Variants in AKR1C3 observed in about 807,000 individuals in gnomAD.
The protein encoded by AKR1C3 is 3-alpha hydroxysteroid dehydrogenase, type II.
A neutral mutation model predicts 43.6 loss-of-function variants in AKR1C3; 48 were observed. The observed-to-expected ratio is 1.10, with a 90% confidence interval of 0.87 to 1.40. The LOEUF (loss-of-function observed/expected upper bound fraction) is 1.40, where lower values mean the gene tolerates loss of function less well. Among genes scored for constraint, AKR1C3 ranks in the 40% most tolerant of loss-of-function variants. AKR1C3 has a pLI of 0.00. For synonymous variants in AKR1C3, 162 were observed against 139.6 expected, an observed-to-expected ratio of 1.16 and a Z score of -1.13; for missense variants, 482 against 391.2, an observed-to-expected ratio of 1.23 and a Z score of -1.96.
At position 5,107,347 on chromosome 10, in the gene AKR1C3, A is replaced by G. The variant is rs17134355; in HGVS notation, c.930-114A>G. The G allele has an allele frequency of 5.3e-3, 3,958 of 742,052 alleles. 119 individuals are homozygous for G. The African/African-American group carries it at 0.062, about 12-fold the overall frequency. The allele number at this position is 742,052 out of a possible 1,614,324, so 46.0% of individuals were successfully genotyped here. On this transcript the variant is annotated intron_variant, in intron 8 of 8. Transcript: ENST00000380554. ...CATAAAGGTAAGAAAGGCAGATTCT[A>G]CAACTAGTCAGACAACTTAACATTC...
intron 7 of AKR1C3, among the ~76,000 whole-genome samples, 156 bp downstream of exon 7, chr10:5,102,806 C>G (rs1235817894): frequency 1.3e-5 from 2 of 152,184 alleles, no homozygotes; most frequent in African/African-American, 2.4e-5. Flanking sequence ...TTCTACTCTA[C>G]CACGGGAGAG....
At chr10:5,069,926 C>T (rs1224423916) in intron 1 of AKR1C3, among the ~76,000 whole-genome samples, 2 of 151,992 alleles carry the variant, frequency 1.3e-5, no homozygotes, top group African/African-American at 2.4e-5. Flanking sequence ...GCAAATAGTC[C>T]CATTCATTCC....
At chr10:5,097,356 T>A (rs1839230214) in intron 2 of AKR1C3, 78 bp from the exon 3 acceptor site, 1 of 1,531,152 alleles carries the variant, frequency 6.5e-7, no homozygotes, top group East Asian at 2.3e-5. Flanking sequence ...GGAAAATATC[T>A]AAATACTAGA....
chr10:5,098,227 T>G (rs1257820973), intron 3 of AKR1C3: 2 of 968,192 alleles, frequency 2.1e-6, no homozygotes, highest in East Asian at 2.3e-4. Flanking sequence ...AAATGTATCA[T>G]TTGTCTATTC....
At chr10:5,107,294 T>G (rs1383220323) in intron 8 of AKR1C3, among the ~76,000 whole-genome samples, 167 bp from the exon 9 acceptor site, 1 of 152,244 alleles carries the variant, frequency 6.6e-6, no homozygotes, top group Non-Finnish European at 1.5e-5. Context: ...TTTATTATTT[T>G]GAAAATACTG....
chr10:5,079,863 C>T (rs1176161174), intron 1 of AKR1C3, among the ~76,000 whole-genome samples: 1 of 152,128 alleles, frequency 6.6e-6, no homozygotes, highest in Non-Finnish European at 1.5e-5. Flanking sequence ...TTAATTATTC[C>T]ATTGTCAGTG....
upstream of AKR1C3, among the ~76,000 whole-genome samples, chr10:5,092,483 CTTTT>C (rs35143522): frequency 5.2e-5 from 7 of 134,368 alleles, no homozygotes; most frequent in Non-Finnish European, 6.4e-5. Flanking sequence ...TCTCTTTACT[CTTTT>C]TTTTTTTTTT....
chr10:5,087,120 C>T (rs1554783238), intron 1 of AKR1C3, among the ~76,000 whole-genome samples: 1 of 152,114 alleles, frequency 6.6e-6, no homozygotes, highest in Non-Finnish European at 1.5e-5. Context: ...ATGATGTTAG[C>T]TGGTTATTTT....
At chr10:5,058,443 G>A (rs892594223) in intron 1 of AKR1C3, among the ~76,000 whole-genome samples, 1 of 152,142 alleles carries the variant, frequency 6.6e-6, no homozygotes, top group Non-Finnish European at 1.5e-5. Context: ...CTTTTTCAGG[G>A]TTTGTGGGTC....
chr10:5,097,836 A>C (rs1177508821), intron 3 of AKR1C3: 2 of 1,170,424 alleles, frequency 1.7e-6, no homozygotes, highest in Admixed American at 8.6e-5. Flanking sequence ...GTGGCTTTTG[A>C]GTCCATCTCT....
upstream of AKR1C3, chr10:5,094,101 T>G (rs36201177): frequency 5.2e-3 from 886 of 170,622 alleles, 7 homozygotes; most frequent in Non-Finnish European, 7.6e-3. Context: ...GCTGGAGGTT[T>G]TTATAGTCTA....
At chr10:5,082,571 T>TA (rs1303237943) in intron 1 of AKR1C3, among the ~76,000 whole-genome samples, 1 of 152,168 alleles carries the variant, frequency 6.6e-6, no homozygotes, top group Non-Finnish European at 1.5e-5. Context: ...AGTATGTTTA[T>TA]ATGGTGAATC....
intron 1 of AKR1C3, among the ~76,000 whole-genome samples, chr10:5,084,687 T>C (rs1263867315): frequency 6.6e-6 from 1 of 152,190 alleles, no homozygotes; most frequent in African/African-American, 2.4e-5. Flanking sequence ...ATTTTCATGA[T>C]ATTGATTCTT....
chr10:5,064,852 C>T (rs1162771010), intron 1 of AKR1C3, among the ~76,000 whole-genome samples: 3 of 144,372 alleles, frequency 2.1e-5, no homozygotes, highest in Non-Finnish European at 4.5e-5. Flanking sequence ...AGTCAGAATG[C>T]CTATTATTAT....
At chr10:5,086,822 A>G (rs1349565705) in intron 1 of AKR1C3, among the ~76,000 whole-genome samples, 1 of 152,102 alleles carries the variant, frequency 6.6e-6, no homozygotes. Context: ...TCCTTTTACC[A>G]TTATGTAGTG....
At chr10:5,049,296 T>C (rs545389686) in intron 1 of AKR1C3, among the ~76,000 whole-genome samples, 80 of 152,268 alleles carry the variant, frequency 5.3e-4, no homozygotes, top group African/African-American at 1.8e-3. Context: ...ACAGAAGAAT[T>C]TTTGTGGCAA....
rs577761806 is a variant in AKR1C3, at chr10:5,054,418, A to C, written c.84+5523A>C. ...CTGACGGACTTGAGCTTTGAGGGGT[A>C]CTGATAAGGTCTGATTTCCTGGGGC... On this transcript the variant is annotated intron_variant, in intron 1 of 8. Coordinates refer to the AKR1C3 transcript ENST00000439082. Among the ~76,000 whole-genome samples the C allele has an allele frequency of 2.0e-3, 299 of 152,274 alleles. 2 individuals carry two copies. Among genetic ancestry groups the C allele is most frequent in the African/African-American group, 6.3e-3 (263 of 41,558 alleles).
At chr10:5,086,273 G>A (rs1554783068) in intron 1 of AKR1C3, among the ~76,000 whole-genome samples, 1 of 151,380 alleles carries the variant, frequency 6.6e-6, no homozygotes, top group Non-Finnish European at 1.5e-5. Flanking sequence ...CTGGTATGTT[G>A]TGTCTTTGTT....
intron 8 of AKR1C3, among the ~76,000 whole-genome samples, chr10:5,106,548 C>T (rs587708118): frequency 7.2e-5 from 11 of 152,058 alleles, no homozygotes; most frequent in Middle Eastern, 3.4e-3. Context: ...GTCAGGAGTT[C>T]GAGACCAGCC....
Sources: gnomAD v4.1 joint callset for allele counts (sites outside exome capture counted in the v4.1 genomes callset) on GRCh38, gnomAD v4.1.1 for gene constraint, MANE v1.5 for transcripts, NCBI Gene and HGNC (gene_info 2026-07-23, HGNC 2026-07-21) for gene names.